The following NHLRC2 variants were observed in gnomAD, a reference collection of about 807,000 sequenced individuals.
The protein encoded by NHLRC2 is NHL repeat-containing protein 2.
A neutral mutation model predicts 68.1 loss-of-function variants in NHLRC2; 33 were observed. The ratio of observed to expected loss-of-function variants is 0.48; its 90% CI spans 0.37 to 0.65. The LOEUF (loss-of-function observed/expected upper bound fraction) is 0.65, where lower values mean the gene tolerates loss of function less well. NHLRC2 is among the 30% of genes least tolerant of loss of function. The pLI, the probability that NHLRC2 is intolerant of heterozygous loss-of-function variation, is 0.00. For missense variants in NHLRC2, 761 were observed against 853.8 expected, an observed-to-expected ratio of 0.89 and a Z score of 1.35; for synonymous variants, 311 against 309.6, an observed-to-expected ratio of 1.00 and a Z score of -0.05.
chr10:113,893,843 A>G (rs1846153898), intron 5 of NHLRC2, among the ~76,000 whole-genome samples: 1 of 152,242 alleles, frequency 6.6e-6, no homozygotes. Context: ...CAGAGGCTCT[A>G]AAAGCAAGCT....
chr10:113,898,144 A>G lies in NHLRC2; in HGVS notation c.1074A>G (p.Ile358Met). Residue 358 changes from isoleucine to methionine, a missense_variant, in exon 6 of 11, where the codon ATA (isoleucine) becomes ATG (methionine). Ile to Met is a conservative substitution (Grantham distance 10). Transcript: ENST00000369301. ...TCCAAAGAGGTGACATTTTATGGAT[A>G]GCCATGGCAGGGACTCATCAGATAT... ...SEVQRGDILW[I>M]AMAGTHQIWA... is the part of the protein sequence containing the mutation. The G allele has an allele frequency of 2.5e-6, 4 of 1,612,792 alleles. No individual in the cohort carries two copies. Among genetic ancestry groups the G allele is most frequent in the Non-Finnish European group, 3.4e-6 (4 of 1,178,898 alleles).
intron 1 of NHLRC2, among the ~76,000 whole-genome samples, chr10:113,857,340 C>T (rs541228893): frequency 6.6e-6 from 1 of 152,184 alleles, no homozygotes; most frequent in South Asian, 2.1e-4. Flanking sequence ...TGTATGATCA[C>T]TTGATCTGGT....
At chr10:113,901,301 TA>T (rs1457283118) in intron 6 of NHLRC2, among the ~76,000 whole-genome samples, 3 of 152,214 alleles carry the variant, frequency 2.0e-5, no homozygotes, top group African/African-American at 7.2e-5. Flanking sequence ...CCGAACCTCA[TA>T]TTGCATGAAA....
At chr10:113,862,965 A>T (rs1395051577) in intron 2 of NHLRC2, among the ~76,000 whole-genome samples, 4 of 152,190 alleles carry the variant, frequency 2.6e-5, no homozygotes, top group African/African-American at 4.8e-5. Context: ...ACATAGCAAG[A>T]CCTCATTTAT....
At chr10:113,883,443 C>T (rs1416364803) in intron 4 of NHLRC2, among the ~76,000 whole-genome samples, 1 of 151,756 alleles carries the variant, frequency 6.6e-6, no homozygotes, top group Non-Finnish European at 1.5e-5. Flanking sequence ...AGGAAAATTT[C>T]TGTCTATTGA....
intron 6 of NHLRC2, among the ~76,000 whole-genome samples, chr10:113,898,978 T>G (rs1846204747): frequency 6.6e-6 from 1 of 151,872 alleles, no homozygotes; most frequent in South Asian, 2.1e-4. Flanking sequence ...GTCTGCAAAG[T>G]TTCTCATATT....
At position 113,914,796 on chromosome 10, in the gene NHLRC2, ATAAT is replaced by A. The variant is rs377436393; in HGVS notation, c.*6264_*6267del. 1,690 of 344,008 alleles carry A rather than the reference ATAAT, an allele frequency of 4.9e-3. 3 individuals carry two copies. Among genetic ancestry groups the A allele is most frequent in the Non-Finnish European group, 6.4e-3 (1,114 of 175,310 alleles). The allele number at this position is 344,008 out of a possible 1,614,324, so 21.3% of individuals were successfully genotyped here. On this transcript the variant is annotated 3_prime_UTR_variant, in exon 11 of 11. Transcript: ENST00000369301. ...TAATCATGTCACTATTTTGTCCTGA[ATAAT>A]TAAGAGTTTGCTTTTTTCCCATGTC...
At chr10:113,907,591 G>T (rs1846288382) in intron 10 of NHLRC2, among the ~76,000 whole-genome samples, 1 of 152,082 alleles carries the variant, frequency 6.6e-6, no homozygotes, top group Non-Finnish European at 1.5e-5. Context: ...ATTCTTGAGG[G>T]CTTAAAATTT....
intron 2 of NHLRC2, 48 bp downstream of exon 2, chr10:113,858,728 C>CTCTTCCAGTGACTA: frequency 2.8e-6 from 4 of 1,407,724 alleles, no homozygotes; most frequent in Non-Finnish European, 4.0e-6. Flanking sequence ...GGCATAGTCA[C>CTCTTCCAGTGACTA]TGGAAGAGTG....
Position 113,902,005 on chromosome 10 carries a change from T to C in NHLRC2, c.1371+108T>C. ...TAAGAGAGACCATCCTTGGCCTATCTGCGAATCAAAATGAAAGTCAGACCA... is the reference window on the plus strand; with the variant it reads ...TAAGAGAGACCATCCTTGGCCTATCCGCGAATCAAAATGAAAGTCAGACCA... On this transcript the variant is annotated intron_variant, in intron 7 of 10. Coordinates refer to ENST00000369301, the MANE Select transcript of NHLRC2 (RefSeq NM_198514.4). The C allele has an allele frequency of 3.9e-6, 3 of 761,786 alleles. No individual in the cohort carries two copies. The South Asian group carries it at 5.5e-5, about 14-fold the overall frequency. 47.2% of individuals were successfully genotyped at this position (761,786 alleles called of 1,614,324 possible).
At chr10:113,869,822 A>G (rs1215874708) in intron 2 of NHLRC2, among the ~76,000 whole-genome samples, 1 of 152,212 alleles carries the variant, frequency 6.6e-6, no homozygotes, top group East Asian at 1.9e-4. Context: ...TACTGTGATA[A>G]TTTATTTTGG....
chr10:113,874,830 T>G (rs1845963494), intron 2 of NHLRC2, among the ~76,000 whole-genome samples: 1 of 152,160 alleles, frequency 6.6e-6, no homozygotes, highest in South Asian at 2.1e-4. Context: ...CTTTGTCATG[T>G]CCTTTTTGCC....
chr10:113,877,457 C>CT (rs1845994866), intron 3 of NHLRC2, among the ~76,000 whole-genome samples: 2 of 152,028 alleles, frequency 1.3e-5, no homozygotes, highest in African/African-American at 4.8e-5. Context: ...CTTTTCTCTC[C>CT]TTTCTTCCAT....
rs1372819771 is a variant in NHLRC2, at chr10:113,882,651, A to C, written c.910-1600A>C. 2.6e-5 allele frequency among the ~76,000 whole-genome samples: 4 copies of C among 151,694 alleles called. No individual in the cohort carries two copies. In the East Asian group the frequency reaches 7.7e-4, roughly 29 times the overall value. On this transcript the variant is annotated intron_variant, in intron 4 of 10. Coordinates refer to ENST00000369301, the MANE Select transcript of NHLRC2 (RefSeq NM_198514.4). Reference sequence around the variant, plus strand: ...TTCACATTTTTCTGCTTGCCTTTATACTTAGTTAATCATGTTCTTTGATAC... The same window carrying C: ...TTCACATTTTTCTGCTTGCCTTTATCCTTAGTTAATCATGTTCTTTGATAC...
At chr10:113,894,413 T>C (rs1846159966) in intron 5 of NHLRC2, among the ~76,000 whole-genome samples, 1 of 152,204 alleles carries the variant, frequency 6.6e-6, no homozygotes, top group African/African-American at 2.4e-5. Flanking sequence ...TATTTGCTGC[T>C]GTAAACCGAT....
intron 8 of NHLRC2, 120 bp downstream of exon 8, chr10:113,902,713 G>T: frequency 1.2e-6 from 1 of 867,784 alleles, no homozygotes; most frequent in Non-Finnish European, 1.8e-6. Context: ...AACAGTCTTT[G>T]ACAACTATAA....
chr10:113,880,247 A>G (rs1458913310), intron 4 of NHLRC2, among the ~76,000 whole-genome samples: 1 of 152,042 alleles, frequency 6.6e-6, no homozygotes, highest in Non-Finnish European at 1.5e-5. Context: ...GTCTTTTTGG[A>G]AATTTTCTAC....
chr10:113,893,292 A>G (rs1467767729), intron 5 of NHLRC2, among the ~76,000 whole-genome samples: 2 of 152,156 alleles, frequency 1.3e-5, no homozygotes, highest in African/African-American at 4.8e-5. Context: ...AAAACGGGCA[A>G]GTAGAGAACT....
chr10:113,869,905 T>C (rs1845906262), intron 2 of NHLRC2, among the ~76,000 whole-genome samples: 1 of 152,190 alleles, frequency 6.6e-6, no homozygotes, highest in South Asian at 2.1e-4. Flanking sequence ...GGTATTTCTT[T>C]GTCGTTTTTT....
Sources: allele counts gnomAD v4.1 joint callset (sites outside exome capture counted in the v4.1 genomes callset), GRCh38; gene constraint gnomAD v4.1.1; transcripts MANE v1.5; gene names NCBI Gene and HGNC (gene_info 2026-07-23, HGNC 2026-07-21).